Variants in PRKG1 observed in about 807,000 individuals in gnomAD.
PRKG1 encodes the protein cGMP-dependent protein kinase 1.
In PRKG1, 35 loss-of-function variants were observed where a neutral mutation model predicts 88.1. The ratio of observed to expected loss-of-function variants is 0.40; its 90% confidence interval spans 0.30 to 0.53. PRKG1 has a LOEUF of 0.53. PRKG1 is among the 20% of genes least tolerant of loss of function. The probability of loss-of-function intolerance (pLI) is 0.59; values close to 1 mark genes in which losing one functional copy is unlikely to be tolerated. For missense variants in PRKG1, 540 were observed against 839.8 expected (o/e 0.64, Z 4.41); for synonymous variants, 303 against 292.5 (o/e 1.04, Z -0.37).
intron 5 of PRKG1, among the ~76,000 whole-genome samples, chr10:51,985,815 AACAAATACAGATGTTCCTCCATTT>A (rs1844141114): frequency 6.6e-6 from 1 of 152,138 alleles, no homozygotes; most frequent in African/African-American, 2.4e-5. Context: ...GGGCTGCTAT[AACAAATACAGATGTTCCTCCATTT>A]ACAATGGGGT....
In PRKG1 at chr10:51,737,734, TTTATTAA is replaced by T. The variant is rs1353935006; in HGVS notation, c.593-66844_593-66838del. 1.3e-4 allele frequency among the ~76,000 whole-genome samples: 18 copies of T among 140,304 alleles called. No homozygotes were observed. In the East Asian group the frequency reaches 3.1e-3, roughly 24 times the overall value. 92.0% of individuals were successfully genotyped at this position (140,304 alleles called of 152,430 possible). A position where few individuals can be genotyped will look rare whatever the true frequency, so the allele number is the denominator to read the frequency against. On this transcript the variant is annotated intron_variant, in intron 3 of 17. Transcript: ENST00000373980. ...ATTTATTTATTTATTTATTTATTTATTTATTAATTATTATTATTATTATTATTATTAT... is the reference window on the plus strand; with the variant it reads ...ATTTATTTATTTATTTATTTATTTATTTATTATTATTATTATTATTATTAT...
intron 1 of PRKG1, among the ~76,000 whole-genome samples, chr10:51,099,616 T>C (rs971848895): frequency 3.3e-5 from 5 of 152,108 alleles, no homozygotes; most frequent in African/African-American, 4.8e-5. Flanking sequence ...ATGACCTATA[T>C]TGAGGTATTT....
intron 2 of PRKG1, among the ~76,000 whole-genome samples, chr10:51,453,425 C>T (rs1322315593): frequency 6.6e-6 from 1 of 151,950 alleles, no homozygotes; most frequent in African/African-American, 2.4e-5. Flanking sequence ...TGTGCTCTTT[C>T]AGACTTTTTA....
chr10:51,947,331 G>A (rs532421158), intron 5 of PRKG1, among the ~76,000 whole-genome samples: 2 of 152,264 alleles, frequency 1.3e-5, no homozygotes, highest in South Asian at 2.1e-4. Context: ...GCAGTATTGG[G>A]GTGGGAGTGA....
At position 51,791,996 on chromosome 10, in the gene PRKG1, A is replaced by T. The variant is rs74971132; in HGVS notation, c.593-12589A>T. On this transcript the variant is annotated intron_variant, in intron 3 of 17. Coordinates refer to ENST00000373980, the MANE Select transcript of PRKG1 (RefSeq NM_006258.4). The stretch of plus-strand genomic sequence containing the variant: ...TTAGAGACGTGAATTAAATGTAAAG[A>T]TGAATAGATTTTGTTTTATTTATGG... Among the ~76,000 whole-genome samples the T allele has an allele frequency of 1.1e-4, 17 of 152,130 alleles. No individual in the cohort carries two copies. The East Asian group carries it at 3.1e-3, about 28-fold the overall frequency.
At chr10:51,760,035 C>G (rs1245240803) in intron 3 of PRKG1, among the ~76,000 whole-genome samples, 1 of 152,122 alleles carries the variant, frequency 6.6e-6, no homozygotes, top group Admixed American at 6.5e-5. Flanking sequence ...ACTCTATCTG[C>G]CTGGCCAGCC....
chr10:52,214,982 G>C lies in PRKG1; in HGVS notation c.1077-36588G>C, dbSNP rs1040298877. 5.4e-5 allele frequency among the ~76,000 whole-genome samples: 8 copies of C among 147,486 alleles called. No individual in the cohort carries two copies. The East Asian group carries it at 1.6e-3, about 30-fold the overall frequency. Reference sequence around the variant, plus strand: ...TGTAACTTTAATATGCATTTTAAGAGTTTCTGCAATAATTCACATGATTTT... The same window carrying C: ...TGTAACTTTAATATGCATTTTAAGACTTTCTGCAATAATTCACATGATTTT... On this transcript the variant is annotated intron_variant, in intron 9 of 17. Coordinates refer to ENST00000373980, the MANE Select transcript of PRKG1 (RefSeq NM_006258.4).
intron 2 of PRKG1, among the ~76,000 whole-genome samples, chr10:51,432,548 A>G (rs979834252): frequency 2.0e-5 from 3 of 152,204 alleles, no homozygotes; most frequent in African/African-American, 7.2e-5. Flanking sequence ...TGAATTCCTA[A>G]TGAATTTCAA....
chr10:52,221,227 C>T (rs1840237237), intron 9 of PRKG1, among the ~76,000 whole-genome samples: 1 of 152,012 alleles, frequency 6.6e-6, no homozygotes, highest in Admixed American at 6.6e-5. Context: ...ACAGAACTGC[C>T]CAGCTGAATT....
chr10:51,463,014 C>A (rs1225841219), intron 2 of PRKG1, among the ~76,000 whole-genome samples: 1 of 152,084 alleles, frequency 6.6e-6, no homozygotes, highest in Non-Finnish European at 1.5e-5. Flanking sequence ...GACCTAATAG[C>A]CTCTAGTAAC....
intron 5 of PRKG1, among the ~76,000 whole-genome samples, chr10:51,979,997 T>C (rs1272888662): frequency 6.6e-6 from 1 of 152,136 alleles, no homozygotes; most frequent in African/African-American, 2.4e-5. Flanking sequence ...AGTCCTGATT[T>C]TGATTATTTC....
chr10:52,259,952 C>A (rs1051084191), intron 10 of PRKG1, among the ~76,000 whole-genome samples: 1 of 152,004 alleles, frequency 6.6e-6, no homozygotes, highest in Non-Finnish European at 1.5e-5. Flanking sequence ...ATACAAGAAT[C>A]GTATGGGGGA....
At chr10:52,011,576 T>G (rs1844880255) in intron 5 of PRKG1, among the ~76,000 whole-genome samples, 1 of 152,192 alleles carries the variant, frequency 6.6e-6, no homozygotes, top group African/African-American at 2.4e-5. Context: ...GCTCCTTTGC[T>G]TCTCCTGGAA....
intron 2 of PRKG1, among the ~76,000 whole-genome samples, chr10:51,372,912 T>C (rs1181282847): frequency 6.6e-6 from 1 of 152,180 alleles, no homozygotes; most frequent in Non-Finnish European, 1.5e-5. Context: ...TTTGTATGAC[T>C]CATTGGATTT....
chr10:51,336,529 A>G (rs1488047915), intron 2 of PRKG1, among the ~76,000 whole-genome samples: 1 of 152,176 alleles, frequency 6.6e-6, no homozygotes, highest in Non-Finnish European at 1.5e-5. Flanking sequence ...CTAATTGATC[A>G]TGGCCTCCAT....
chr10:51,060,098 T>A (rs966885258), intron 1 of PRKG1, among the ~76,000 whole-genome samples: 4 of 152,148 alleles, frequency 2.6e-5, no homozygotes, highest in African/African-American at 9.6e-5. Context: ...ATGTTCTTAC[T>A]TCTTTGTTAT....
chr10:50,996,091 G>C (rs1440526996), intron 1 of PRKG1, among the ~76,000 whole-genome samples: 1 of 152,134 alleles, frequency 6.6e-6, no homozygotes, highest in African/African-American at 2.4e-5. Context: ...TGATCATGTG[G>C]AAAATACACA....
chr10:51,013,140 A>G (rs1158168919), intron 1 of PRKG1, among the ~76,000 whole-genome samples: 1 of 150,454 alleles, frequency 6.6e-6, no homozygotes. Context: ...GGAACAAGAG[A>G]AACTGCATTC....
rs557925358 is a variant in PRKG1, at chr10:51,878,501, A to T, written c.699-29006A>T. 2.2e-4 allele frequency among the ~76,000 whole-genome samples: 33 copies of T among 152,246 alleles called. No homozygotes were observed. In the South Asian group the frequency reaches 6.9e-3, roughly 32 times the overall value. On this transcript the variant is annotated intron_variant, in intron 4 of 17. Transcript: ENST00000373980. Reference sequence around the variant, plus strand: ...TATACCAGATAAAACTACTCATACAACCATTCTAAATGATTTTCCTTGGTG... The same window carrying T: ...TATACCAGATAAAACTACTCATACATCCATTCTAAATGATTTTCCTTGGTG...
Sources: gnomAD v4.1 joint callset for allele counts (sites outside exome capture counted in the v4.1 genomes callset) on GRCh38, gnomAD v4.1.1 for gene constraint, MANE v1.5 for transcripts, NCBI Gene and HGNC (gene_info 2026-07-23, HGNC 2026-07-21) for gene names.